MDFIC2: variants seen among roughly 807,000 people sequenced by gnomAD.
The protein encoded by MDFIC2 is myoD family inhibitor domain-containing protein 2.
intron 2 of MDFIC2, among the ~76,000 whole-genome samples, chr3:70,228,960 A>C (rs1358760542): frequency 6.6e-6 from 1 of 152,286 alleles, no homozygotes; most frequent in East Asian, 1.9e-4. Flanking sequence ...AGCAGAGTCC[A>C]GTGAAGAAAC....
rs538666443 is a variant in MDFIC2 at position 70,283,287 on chromosome 3, T to C, written c.88+28599A>G. 5.3e-5 allele frequency among the ~76,000 whole-genome samples: 8 copies of C among 152,090 alleles called. No homozygotes were observed. The South Asian group carries it at 1.7e-3, about 32-fold the overall frequency. On this transcript the variant is annotated intron_variant, in intron 2 of 3. Transcript: ENST00000567252. ...GTCCTCTGATTGATTGCTTTTTGGT[T>C]GGTCTGTGTTTTCAATGCACTGTGC...
rs528410024 is a variant in MDFIC2 at position 70,206,778 on chromosome 3, G to A, written c.101C>T (p.Thr34Met). 1.4e-3 allele frequency: 546 copies of A among 397,514 alleles called. 2 individuals carry two copies. The highest frequency in any genetic ancestry group is 2.8e-3 in the South Asian group (22 of 7,846). The allele number at this position is 397,514 out of a possible 1,614,324, so 24.6% of individuals were successfully genotyped here. The change falls in exon 3 of 4, where the codon ACG (threonine) becomes ATG (methionine). Residue 34 changes from threonine (T) to methionine (M), a missense_variant. By Grantham distance (81) the Thr-to-Met change is moderately conservative (BLOSUM62 -1). Coordinates refer to ENST00000567252, the MANE Select transcript of MDFIC2 (RefSeq NM_001364677.1). ...TTTCTCATCTGCATGCTTTGCATTC[G>A]TGAGTTGCGTATCTAGAGGAAAAAA... ...ISWLKEDTQL[T>M]NAKHADEKPI...
chr3:70,303,077 G>A (rs1313897218), intron 2 of MDFIC2, among the ~76,000 whole-genome samples: 1 of 152,170 alleles, frequency 6.6e-6, no homozygotes, highest in Non-Finnish European at 1.5e-5. Context: ...TACATTTAAA[G>A]TAAGTATTCT....
intron 2 of MDFIC2, among the ~76,000 whole-genome samples, chr3:70,218,744 T>C (rs1054887084): frequency 1.3e-5 from 2 of 152,042 alleles, no homozygotes; most frequent in African/African-American, 4.8e-5. Context: ...ATTTGAGCTA[T>C]AACAATAAAT....
intron 2 of MDFIC2, among the ~76,000 whole-genome samples, chr3:70,311,660 T>A (rs1345044951): frequency 6.6e-6 from 1 of 152,138 alleles, no homozygotes; most frequent in Non-Finnish European, 1.5e-5. Context: ...CAAAGTAATC[T>A]ATGTTTCCTG....
At chr3:70,230,517 G>A (rs959128669) in intron 2 of MDFIC2, among the ~76,000 whole-genome samples, 3 of 149,882 alleles carry the variant, frequency 2.0e-5, no homozygotes, top group African/African-American at 7.4e-5. Flanking sequence ...TATATATACA[G>A]TTTTGCAATC....
chr3:70,242,296 G>C (rs985644209), intron 2 of MDFIC2, among the ~76,000 whole-genome samples: 3 of 152,116 alleles, frequency 2.0e-5, no homozygotes, highest in Non-Finnish European at 4.4e-5. Flanking sequence ...TTTGGAAATG[G>C]TGGGAAAAAC....
At chr3:70,276,733 T>C (rs567188853) in intron 2 of MDFIC2, among the ~76,000 whole-genome samples, 1 of 152,270 alleles carries the variant, frequency 6.6e-6, no homozygotes, top group African/African-American at 2.4e-5. Context: ...CATTAATTTA[T>C]GTATTATCTG....
chr3:70,248,721 G>C lies in MDFIC2; in HGVS notation c.89-41931C>G, dbSNP rs151042726. Among the ~76,000 whole-genome samples the C allele has an allele frequency of 3.2e-4, 48 of 152,178 alleles. No homozygotes were observed. The East Asian group carries it at 9.3e-3, about 29-fold the overall frequency. On this transcript the variant is annotated intron_variant, in intron 2 of 3. Transcript: ENST00000567252. Reference sequence around the variant, plus strand: ...AAATGGACAGAATAACCAGATTCAAGAGTTAGTGAACAAAAGAACTCAACA... The same window carrying C: ...AAATGGACAGAATAACCAGATTCAACAGTTAGTGAACAAAAGAACTCAACA...
chr3:70,210,754 C>A (rs893028148), intron 2 of MDFIC2, among the ~76,000 whole-genome samples: 1 of 148,960 alleles, frequency 6.7e-6, no homozygotes, highest in Non-Finnish European at 1.5e-5. Context: ...AAAATTAGGA[C>A]AAAAAATAGA....
At chr3:70,239,767 T>C (rs900513528) in intron 2 of MDFIC2, among the ~76,000 whole-genome samples, 4 of 152,138 alleles carry the variant, frequency 2.6e-5, no homozygotes, top group Admixed American at 6.6e-5. Flanking sequence ...TATCGCCCTA[T>C]GTTATGATTA....
At chr3:70,234,980 G>A (rs961306764) in intron 2 of MDFIC2, among the ~76,000 whole-genome samples, 3 of 152,164 alleles carry the variant, frequency 2.0e-5, no homozygotes, top group Admixed American at 1.3e-4. Flanking sequence ...ACGATTTTTA[G>A]CAACTGTGAA....
chr3:70,287,915 C>T (rs1303100474), intron 2 of MDFIC2, among the ~76,000 whole-genome samples: 1 of 151,782 alleles, frequency 6.6e-6, no homozygotes, highest in Non-Finnish European at 1.5e-5. Flanking sequence ...TCCCCTTTAT[C>T]ATTTTTTATT....
intron 2 of MDFIC2, among the ~76,000 whole-genome samples, chr3:70,281,457 G>A (rs774650916): frequency 4.6e-5 from 7 of 152,110 alleles, no homozygotes; most frequent in Non-Finnish European, 7.4e-5. Flanking sequence ...ATCGTGAACA[G>A]GCCACTTAGT....
chr3:70,294,157 A>G (rs1421804321), intron 2 of MDFIC2, among the ~76,000 whole-genome samples: 1 of 152,200 alleles, frequency 6.6e-6, no homozygotes, highest in East Asian at 1.9e-4. Context: ...ATACTACCCT[A>G]GCATTTAAAA....
chr3:70,196,331 G>A lies in MDFIC2; in HGVS notation c.*595C>T, dbSNP rs1374037599. Among the ~76,000 whole-genome samples the A allele has an allele frequency of 2.6e-5, 4 of 152,112 alleles. No homozygotes were observed. The highest frequency in any genetic ancestry group is 4.8e-5 in the African/African-American group (2 of 41,412). On this transcript the variant is annotated 3_prime_UTR_variant, in exon 4 of 4. Coordinates refer to ENST00000567252, the MANE Select transcript of MDFIC2 (RefSeq NM_001364677.1). ...CAAAATTCACTGGAGATGTTTTAGA[G>A]ACATCTGTTGTAATTACAGGAACAT...
At chr3:70,297,154 A>G (rs1260104547) in intron 2 of MDFIC2, among the ~76,000 whole-genome samples, 1 of 152,128 alleles carries the variant, frequency 6.6e-6, no homozygotes, top group African/African-American at 2.4e-5. Context: ...TTTTATGCAC[A>G]GTACACTGCT....
chr3:70,289,005 C>A (rs1702198339), intron 2 of MDFIC2, among the ~76,000 whole-genome samples: 1 of 152,190 alleles, frequency 6.6e-6, no homozygotes. Flanking sequence ...GGTCTTAAAT[C>A]TTTATCCAGT....
chr3:70,252,925 CAA>C (rs1388097264), intron 2 of MDFIC2, among the ~76,000 whole-genome samples: 3 of 151,830 alleles, frequency 2.0e-5, no homozygotes, highest in Non-Finnish European at 4.4e-5. Flanking sequence ...ACTAAAAATA[CAA>C]AAATTAGCCG....
Sources: allele counts gnomAD v4.1 joint callset (sites outside exome capture counted in the v4.1 genomes callset), GRCh38; gene constraint gnomAD v4.1.1; transcripts MANE v1.5; gene names NCBI Gene and HGNC (gene_info 2026-07-23, HGNC 2026-07-21).